Variants in TNC observed in about 807,000 individuals in gnomAD.
TNC encodes the protein tenascin.
TNC carries 109 observed loss-of-function variants against 202.4 expected under a neutral mutation model. The observed-to-expected ratio is 0.54, with a 90% CI of 0.46 to 0.63. The LOEUF is 0.63. Ranked by LOEUF, TNC falls within the 30% of genes least tolerant of loss-of-function variation. The pLI is 0.00. For synonymous variants in TNC, 1,007 were observed against 1,089.7 expected (o/e 0.92, Z 1.50); for missense variants, 2,756 against 2,833.3 (o/e 0.97, Z 0.62).
At position 115,063,900 on chromosome 9, in the gene TNC, G is replaced by T. The variant is rs1401741424; in HGVS notation, c.3656C>A (p.Ser1219Tyr). 5 of 1,614,154 alleles carry T rather than the reference G, an allele frequency of 3.1e-6. No homozygotes were observed. Among genetic ancestry groups the T allele is most frequent in the African/African-American group, 1.3e-5 (1 of 75,034 alleles). ...TGCTTTGAGCCCAGGCAGGTCTGTGGACCTCAGTCCTCCTGGGACGGTGAG... is the reference window on the plus strand; with the variant it reads ...TGCTTTGAGCCCAGGCAGGTCTGTGTACCTCAGTCCTCCTGGGACGGTGAG... ...QNLTVPGGLRSTDLPGLKAAT... is the reference protein window; with the variant it reads ...QNLTVPGGLRYTDLPGLKAAT... Residue 1219 changes from serine to tyrosine, a missense_variant, in exon 12 of 28, where the codon TCC becomes TAC. Around this residue, in one of 2 missense-constraint regions of TNC, gnomAD observed 2,559 missense variants for 2,546.0 expected, o/e 1.01. Transcript: ENST00000350763.
intron 10 of TNC, among the ~76,000 whole-genome samples, chr9:115,067,063 G>A (rs939456687): frequency 1.3e-5 from 2 of 152,196 alleles, no homozygotes; most frequent in African/African-American, 2.4e-5. Context: ...TATGAGAAAG[G>A]GAGGACCCCA....
chr9:115,093,417 TCTGTAATGTAGGTAAGGCCA>T (rs1426089972), intron 1 of TNC, among the ~76,000 whole-genome samples: 2 of 152,192 alleles, frequency 1.3e-5, no homozygotes, highest in Non-Finnish European at 2.9e-5. Flanking sequence ...AATGTGTGGG[TCTGTAATGTAGGTAAGGCCA>T]CTGAATGAAG....
At chr9:115,042,398 A>G (rs1395928249) in intron 17 of TNC, 57 bp from the exon 18 acceptor site, 72 of 1,596,220 alleles carry the variant, frequency 4.5e-5, no homozygotes, top group Middle Eastern at 1.7e-4. Context: ...TTGTTCATCA[A>G]TGGTTCTTCC....
rs767030209 is a variant in TNC, at chr9:115,057,126, G to T, written c.4579+27C>A. On this transcript the variant is annotated intron_variant, in intron 15 of 27. Transcript: ENST00000350763. ...GCAAAGAAGACTGTGGAGAGAGTGCGTTAGAAATGGGAGAATGCACATGTA... is the reference window on the plus strand; with the variant it reads ...GCAAAGAAGACTGTGGAGAGAGTGCTTTAGAAATGGGAGAATGCACATGTA... 1.1e-5 allele frequency: 17 copies of T among 1,589,258 alleles called. No homozygotes were observed. In the East Asian group the frequency reaches 3.4e-4, roughly 31 times the overall value.
intron 15 of TNC, among the ~76,000 whole-genome samples, chr9:115,056,625 T>C (rs1588081509): frequency 6.6e-6 from 1 of 152,250 alleles, no homozygotes; most frequent in East Asian, 1.9e-4. Flanking sequence ...CATGGCTGCC[T>C]CCTGCACTCA....
In TNC at chr9:115,062,910, C is replaced by A; in HGVS notation, c.4033+7G>T. 1 of 1,611,254 alleles carries A rather than the reference C, an allele frequency of 6.2e-7. No individual in the cohort carries two copies. The highest frequency in any genetic ancestry group is 8.5e-7 in the Non-Finnish European group (1 of 1,178,210). On this transcript the variant is annotated splice_region_variant and intron_variant, in intron 13 of 27. Coordinates refer to ENST00000350763, the MANE Select transcript of TNC (RefSeq NM_002160.4). ...CATGTCTCCAGTCTGGGAGGAGGGT[C>A]ATATACCTGTGACGACCTCTACAGC...
Position 115,062,940 on chromosome 9 carries a change from G to A in TNC, c.4010C>T (p.Pro1337Leu). 1 of 1,613,858 alleles carries A rather than the reference G, an allele frequency of 6.2e-7. No homozygotes were observed. Among genetic ancestry groups the A allele is most frequent in the Non-Finnish European group, 8.5e-7 (1 of 1,179,904 alleles). Residue 1337 changes from proline (P) to leucine (L), a missense_variant, in exon 13 of 28, where the codon CCC (proline) becomes CTC (leucine). Physicochemically the swap from Pro to Leu is moderately conservative, Grantham distance 98. This residue lies in a region of TNC where 2,559 missense variants were observed against 2,546.0 expected (regional missense o/e 1.01). Coordinates refer to ENST00000350763, the MANE Select transcript of TNC (RefSeq NM_002160.4). ...HGEVRGHSTR[P>L]LAVEVVTEDL... is the part of the protein sequence containing the mutation. ...ACCTGTGACGACCTCTACAGCAAGG[G>A]GTCGAGTGCTGTGGCCCCTGACCTC...
In TNC at chr9:115,040,954, C is replaced by T; in HGVS notation, c.5379G>A (p.Gly1793=). 1 of 1,613,340 alleles carries T rather than the reference C, an allele frequency of 6.2e-7. No individual in the cohort carries two copies. Among genetic ancestry groups the T allele is most frequent in the Non-Finnish European group, 8.5e-7 (1 of 1,179,664 alleles). ...KGFEESEPVS[G]SFTTALDGPS... The stretch of plus-strand genomic sequence containing the variant: ...CCACCAACTCACCTGTGGTGAATGA[C>T]CCTGAGACAGGTTCACTTTCCTCAA... The change falls in exon 19 of 28, where the codon GGG becomes GGA. Residue 1793 remains glycine (G), a synonymous_variant. Coordinates refer to ENST00000350763, the MANE Select transcript of TNC (RefSeq NM_002160.4).
chr9:115,068,856 G>A (rs1833145570), intron 10 of TNC, among the ~76,000 whole-genome samples: 1 of 152,118 alleles, frequency 6.6e-6, no homozygotes, highest in African/African-American at 2.4e-5. Flanking sequence ...CTTCCAAAAA[G>A]CCTTCTCCAG....
chr9:115,088,596 A>G (rs1418929764), intron 2 of TNC, among the ~76,000 whole-genome samples: 1 of 152,090 alleles, frequency 6.6e-6, no homozygotes, highest in Non-Finnish European at 1.5e-5. Flanking sequence ...ACCCAGTTCT[A>G]TATTCTCTGC....
At chr9:115,095,458 G>A (rs1011844079) in intron 1 of TNC, among the ~76,000 whole-genome samples, 190 of 93,684 alleles carry the variant, frequency 2.0e-3, no homozygotes, top group Non-Finnish European at 2.6e-3. Flanking sequence ...ATATATATAT[G>A]TATATATATA....
chr9:115,082,700 G>C lies in TNC; in HGVS notation c.2239C>G (p.Arg747Gly). Residue 747 changes from arginine to glycine, a missense_variant, in exon 5 of 28, where the codon CGG becomes GGG. By Grantham distance (125) the Arg-to-Gly change is moderately radical. Around this residue, in one of 2 missense-constraint regions of TNC, gnomAD observed 2,559 missense variants for 2,546.0 expected, o/e 1.01. Coordinates refer to ENST00000350763, the MANE Select transcript of TNC (RefSeq NM_002160.4). Reference protein sequence around the residue: ...IAFETWEIIFRNMNKEDEGEI... With the variant: ...IAFETWEIIFGNMNKEDEGEI... Reference sequence around the variant, plus strand: ...TCTTTTGTACTCCTTACCATATTCCGGAAGATGATCTCCCAGGTTTCAAAA... The same window carrying C: ...TCTTTTGTACTCCTTACCATATTCCCGAAGATGATCTCCCAGGTTTCAAAA... 1.2e-6 allele frequency: 2 copies of C among 1,608,054 alleles called. No homozygotes were observed. Among genetic ancestry groups the C allele is most frequent in the Non-Finnish European group, 1.7e-6 (2 of 1,174,576 alleles).
intron 1 of TNC, among the ~76,000 whole-genome samples, chr9:115,097,891 A>G (rs761870584): frequency 7.2e-5 from 11 of 152,232 alleles, no homozygotes; most frequent in Non-Finnish European, 1.5e-4. Context: ...TAAAAGATCA[A>G]TATGAAGAGC....
rs544505356 is a variant in TNC, at chr9:115,087,401, A to G, written c.458-128T>C. On this transcript the variant is annotated intron_variant, in intron 2 of 27. Coordinates refer to ENST00000350763, the MANE Select transcript of TNC (RefSeq NM_002160.4). ...ACCCTCAGGCTCCATCTGGCTTGAGAACCATTTGTTGTAGTGTGTGAAATC... is the reference window on the plus strand; with the variant it reads ...ACCCTCAGGCTCCATCTGGCTTGAGGACCATTTGTTGTAGTGTGTGAAATC... 347 of 892,012 alleles carry G rather than the reference A, an allele frequency of 3.9e-4. 3 individuals are homozygous for G. In the East Asian group the frequency reaches 9.1e-3, roughly 23 times the overall value. The allele number at this position is 892,012 out of a possible 1,614,324, so 55.3% of individuals were successfully genotyped here.
rs374324190 is a variant in TNC at position 115,090,629 on chromosome 9, C to T, written c.390G>A (p.Glu130=). 3.1e-6 allele frequency: 5 copies of T among 1,610,516 alleles called. No homozygotes were observed. The highest frequency in any genetic ancestry group is 1.7e-5 in the Admixed American group (1 of 59,848). The change falls in exon 2 of 28, where the codon GAG becomes GAA. Residue 130 remains glutamate, a synonymous_variant. Transcript: ENST00000350763. The part of the protein sequence containing the change: ...KELLSRLEEL[E]NLVSSLREQC... ...GCTCCCTCAGGGAAGACACCAGGTT[C>T]TCCAGCTCCTCCAGTCTGCTCAGCA...
At chr9:115,045,398 G>C (rs1204912530) in intron 17 of TNC, among the ~76,000 whole-genome samples, 2 of 152,028 alleles carry the variant, frequency 1.3e-5, no homozygotes, top group Non-Finnish European at 2.9e-5. Flanking sequence ...ACAGAGTCTT[G>C]CTCTGTCGTC....
chr9:115,046,299 A>G, intron 17 of TNC, 111 bp downstream of exon 17: 2 of 1,280,826 alleles, frequency 1.6e-6, no homozygotes, highest in Non-Finnish European at 2.2e-6. Context: ...AAGAGTCAGG[A>G]TCAGAGCGCC....
chr9:115,030,928 G>A (rs1339214489), intron 23 of TNC, among the ~76,000 whole-genome samples: 1 of 152,222 alleles, frequency 6.6e-6, no homozygotes, highest in Non-Finnish European at 1.5e-5. Flanking sequence ...GGCTCCCTGG[G>A]CATGGAATAT....
intron 6 of TNC, among the ~76,000 whole-genome samples, chr9:115,079,274 A>T (rs905303494): frequency 6.6e-6 from 1 of 151,952 alleles, no homozygotes; most frequent in African/African-American, 2.4e-5. Context: ...AGTAAACAAT[A>T]ACAAGTGACA....
Sources: gnomAD v4.1 joint callset for allele counts (sites outside exome capture counted in the v4.1 genomes callset) on GRCh38, gnomAD v4.1.1 for gene constraint, gnomAD v4.1.1 regional missense constraint, MANE v1.5 for transcripts, NCBI Gene and HGNC (gene_info 2026-07-23, HGNC 2026-07-21) for gene names.